ERP27: variants seen among roughly 807,000 people sequenced by gnomAD.
The protein encoded by ERP27 is endoplasmic reticulum protein 27.
A neutral mutation model predicts 27.7 loss-of-function variants in ERP27; 23 were observed. The ratio of observed to expected loss-of-function variants is 0.83; its 90% CI spans 0.60 to 1.18. The LOEUF is 1.18. ERP27 is among the 50% of genes most tolerant of loss of function. The pLI, the probability that ERP27 is intolerant of heterozygous loss-of-function variation, is 0.00. For synonymous variants in ERP27, 159 were observed against 118.3 expected (o/e 1.34, Z -2.23); for missense variants, 363 against 327.9 (o/e 1.11, Z -0.83).
intron 3 of ERP27, among the ~76,000 whole-genome samples, chr12:14,925,344 C>A (rs1014326706): frequency 1.3e-5 from 2 of 152,122 alleles, no homozygotes; most frequent in African/African-American, 4.8e-5. Flanking sequence ...AGGGTCATTC[C>A]ATGTTTTTAT....
rs533601327 is a variant in ERP27, at chr12:14,917,961, A to G, written c.451-658T>C. On this transcript the variant is annotated intron_variant, in intron 4 of 6. Transcript: ENST00000266397. Reference sequence around the variant, plus strand: ...CAATAGACAACTAATACACTATGTAACATATTAGTCACTTTATTTCAGCCC... The same window carrying G: ...CAATAGACAACTAATACACTATGTAGCATATTAGTCACTTTATTTCAGCCC... Among the ~76,000 whole-genome samples the G allele has an allele frequency of 5.3e-5, 8 of 152,362 alleles. No homozygotes were observed. The South Asian group carries it at 1.4e-3, about 28-fold the overall frequency.
In ERP27 at chr12:14,914,776, T is replaced by C; in HGVS notation, c.781A>G (p.Asn261Asp). 2 of 1,613,700 alleles carry C rather than the reference T, an allele frequency of 1.2e-6. No homozygotes were observed. Among genetic ancestry groups the C allele is most frequent in the Non-Finnish European group, 1.7e-6 (2 of 1,179,650 alleles). Residue 261 changes from asparagine to aspartate, a missense_variant, in exon 7 of 7, where the codon AAT becomes GAT. By Grantham distance (23) the Asn-to-Asp change is conservative (BLOSUM62 1). Coordinates refer to ENST00000266397, the MANE Select transcript of ERP27 (RefSeq NM_152321.4). ...GFLSGKLLKE[N>D]RESEGKTPKV... ...GGAGTCTTTCCTTCTGATTCACGAT[T>C]TTCTTTCTGGAAAACATTATAACAA...
chr12:14,934,864 A>G lies in ERP27; in HGVS notation c.325T>C (p.Phe109Leu), dbSNP rs200839265. The G allele has an allele frequency of 3.1e-6, 5 of 1,613,992 alleles. No homozygotes were observed. In the East Asian group the frequency reaches 1.1e-4, roughly 36 times the overall value. The change falls in exon 3 of 7, where the codon TTT becomes CTT. Residue 109 changes from phenylalanine (F) to leucine (L), a missense_variant. Coordinates refer to ENST00000266397, the MANE Select transcript of ERP27 (RefSeq NM_152321.4). Reference protein sequence around the residue: ...YNITGNTICLFRLVDNEQLNL... With the variant: ...YNITGNTICLLRLVDNEQLNL... ...CTACCCACCCAACTTACCAGGCGAA[A>G]GAGGCAGATGGTGTTCCCAGTGATG...
intron 3 of ERP27, among the ~76,000 whole-genome samples, chr12:14,926,327 A>T (rs1863602434): frequency 6.6e-6 from 1 of 152,224 alleles, no homozygotes; most frequent in Non-Finnish European, 1.5e-5. Context: ...AAGTGTTTGC[A>T]TGGTATAGCT....
intron 3 of ERP27, among the ~76,000 whole-genome samples, chr12:14,927,735 T>A (rs1448120833): frequency 8.6e-6 from 1 of 116,042 alleles, no homozygotes; most frequent in Non-Finnish European, 1.7e-5. Flanking sequence ...GGCTCTCTAA[T>A]GCCTTCAGGC....
At chr12:14,916,376 A>G (rs1863412015) in intron 5 of ERP27, among the ~76,000 whole-genome samples, 1 of 152,136 alleles carries the variant, frequency 6.6e-6, no homozygotes, top group African/African-American at 2.4e-5. Flanking sequence ...TGGGCACATT[A>G]CTCAGCCTCT....
chr12:14,931,318 G>T (rs937466088), intron 3 of ERP27, among the ~76,000 whole-genome samples: 1 of 138,600 alleles, frequency 7.2e-6, no homozygotes, highest in Non-Finnish European at 1.5e-5. Flanking sequence ...ATAGGTTCAC[G>T]TTTCCCAGTG....
chr12:14,916,821 G>T (rs879416997), intron 5 of ERP27, among the ~76,000 whole-genome samples: 2 of 152,102 alleles, frequency 1.3e-5, no homozygotes, highest in Admixed American at 1.3e-4. Context: ...TGTTTTATAT[G>T]AGAAATGAGC....
chr12:14,931,817 C>T lies in ERP27; in HGVS notation c.333+3039G>A, dbSNP rs149952695. On this transcript the variant is annotated intron_variant, in intron 3 of 6. Transcript: ENST00000266397. ...CCTTTTAAATCAGGCCTTATAAGAC[C>T]GACAAACGAAAAACTGAGAAAGAAG... Among the ~76,000 whole-genome samples the T allele has an allele frequency of 3.6e-3, 539 of 151,740 alleles. 1 individual carries two copies. Among genetic ancestry groups the T allele is most frequent in the Middle Eastern group, 6.8e-3 (2 of 292 alleles).
intron 3 of ERP27, among the ~76,000 whole-genome samples, 154 bp downstream of exon 3, chr12:14,934,702 G>A (rs1863748545): frequency 6.6e-6 from 1 of 152,164 alleles, no homozygotes; most frequent in South Asian, 2.1e-4. Context: ...TGTTTGGGAA[G>A]CTTGAATTGA....
chr12:14,927,971 T>A (rs1413474588), intron 3 of ERP27, among the ~76,000 whole-genome samples: 2 of 152,152 alleles, frequency 1.3e-5, no homozygotes, highest in African/African-American at 4.8e-5. Flanking sequence ...CACCCCAATC[T>A]ACTCATACCC....
At chr12:14,931,320 T>C (rs1050652456) in intron 3 of ERP27, among the ~76,000 whole-genome samples, 11 of 150,830 alleles carry the variant, frequency 7.3e-5, no homozygotes, top group Admixed American at 4.0e-4. Flanking sequence ...AGGTTCACGT[T>C]TCCCAGTGTA....
intron 3 of ERP27, among the ~76,000 whole-genome samples, chr12:14,925,510 A>G (rs1343706336): frequency 6.6e-6 from 1 of 151,998 alleles, no homozygotes; most frequent in Non-Finnish European, 1.5e-5. Context: ...AATGTTTCCT[A>G]ATTTTTTGTT....
intron 3 of ERP27, among the ~76,000 whole-genome samples, chr12:14,933,974 C>T (rs1305039951): frequency 6.6e-6 from 1 of 152,230 alleles, no homozygotes. Flanking sequence ...TAATAAAACA[C>T]ATTTCTGTTC....
chr12:14,919,100 G>T (rs992887815), intron 4 of ERP27, among the ~76,000 whole-genome samples: 1 of 152,120 alleles, frequency 6.6e-6, no homozygotes, highest in Non-Finnish European at 1.5e-5. Context: ...TGCATGGCTG[G>T]GATTTTCTGC....
At chr12:14,920,605 C>T (rs1291744012) in intron 4 of ERP27, among the ~76,000 whole-genome samples, 9 of 152,156 alleles carry the variant, frequency 5.9e-5, no homozygotes, top group African/African-American at 1.2e-4. Context: ...CTCCTGGACA[C>T]GAGTGATCCT....
chr12:14,920,921 G>A lies in ERP27; in HGVS notation c.450+11C>T. 6.2e-7 allele frequency: 1 copy of A among 1,606,806 alleles called. No individual in the cohort carries two copies. Among genetic ancestry groups the A allele is most frequent in the Non-Finnish European group, 8.5e-7 (1 of 1,173,324 alleles). On this transcript the variant is annotated intron_variant, in intron 4 of 6. Coordinates refer to ENST00000266397, the MANE Select transcript of ERP27 (RefSeq NM_152321.4). ...GGTCTGAAGGGACTAAGAACAGGAA[G>A]TATTGTTTACCACAGGGTTGTACTC... is the stretch of plus-strand genomic sequence containing the variant.
chr12:14,920,157 C>T (rs895438402), intron 4 of ERP27, among the ~76,000 whole-genome samples: 1 of 152,192 alleles, frequency 6.6e-6, no homozygotes, highest in Admixed American at 6.5e-5. Context: ...TAAGATAATT[C>T]TGTAGACTGT....
rs1298257072 is a variant in ERP27, at chr12:14,921,020, T to C, written c.362A>G (p.Asp121Gly). 4 of 1,614,012 alleles carry C rather than the reference T, an allele frequency of 2.5e-6. No individual in the cohort carries two copies. Among genetic ancestry groups the C allele is most frequent in the Non-Finnish European group, 3.4e-6 (4 of 1,179,976 alleles). ...LVDNEQLNLEDEDIESIDATK... is the reference protein window; with the variant it reads ...LVDNEQLNLEGEDIESIDATK... The stretch of plus-strand genomic sequence containing the variant: ...GGCATCAATGCTTTCAATGTCTTCG[T>C]CCTCTAAATTCAGTTGTTCATTGTC... The change falls in exon 4 of 7, where the codon GAC (aspartate) becomes GGC (glycine). Residue 121 changes from aspartate to glycine, a missense_variant. Coordinates refer to ENST00000266397, the MANE Select transcript of ERP27 (RefSeq NM_152321.4).
Sources: gnomAD v4.1 joint callset for allele counts (sites outside exome capture counted in the v4.1 genomes callset) on GRCh38, gnomAD v4.1.1 for gene constraint, MANE v1.5 for transcripts, NCBI Gene and HGNC (gene_info 2026-07-23, HGNC 2026-07-21) for gene names.